The following SUGCT variants were observed in gnomAD, a reference collection of about 807,000 sequenced individuals.
SUGCT encodes the protein succinyl-CoA:glutarate-CoA transferase.
A neutral mutation model predicts 55.0 loss-of-function variants in SUGCT; 41 were observed. That is an observed-to-expected ratio of 0.74 (90% CI 0.58 to 0.97). The LOEUF is 0.97. Ranked by LOEUF, SUGCT falls within the 50% of genes least tolerant of loss-of-function variation. The probability of loss-of-function intolerance (pLI) is 0.00; values close to 1 mark genes in which losing one functional copy is unlikely to be tolerated. For synonymous variants in SUGCT, 187 were observed against 200.4 expected, an observed-to-expected ratio of 0.93 and a Z score of 0.56; for missense variants, 568 against 547.8, an observed-to-expected ratio of 1.04 and a Z score of -0.37.
chr7:40,922,048 G>GA, the SUGCT span, among the ~76,000 whole-genome samples: 1,392 of 152,164 alleles, frequency 9.1e-3, 20 homozygotes, highest in African/African-American at 0.032. Flanking sequence ...TGTTAGAAAG[G>GA]AAAAAAATGT....
chr7:40,238,822 CTTTT>C (rs200564913), intron 7 of SUGCT, among the ~76,000 whole-genome samples: 1 of 138,318 alleles, frequency 7.2e-6, no homozygotes, highest in Non-Finnish European at 1.6e-5. Flanking sequence ...GTGGCCTTTG[CTTTT>C]TTTTTTTTTT....
At chr7:40,803,383 C>T (rs1325185167) in intron 13 of SUGCT, among the ~76,000 whole-genome samples, 1 of 152,136 alleles carries the variant, frequency 6.6e-6, no homozygotes, top group Non-Finnish European at 1.5e-5. Context: ...TACCGATGGG[C>T]AGCTTGATCT....
chr7:40,357,687 CATGAG>C (rs1349235212), intron 9 of SUGCT, among the ~76,000 whole-genome samples: 2 of 152,116 alleles, frequency 1.3e-5, no homozygotes, highest in African/African-American at 2.4e-5. Flanking sequence ...TTTCATGTAT[CATGAG>C]ATATTTTTCT....
intron 9 of SUGCT, among the ~76,000 whole-genome samples, chr7:40,427,916 C>T (rs1024269752): frequency 1.3e-5 from 2 of 152,096 alleles, no homozygotes; most frequent in African/African-American, 4.8e-5. Context: ...TCTCTGTATG[C>T]CTGTGAGGTA....
Position 40,701,116 on chromosome 7 carries a change from T to C in SUGCT, c.1090-48318T>C, listed in dbSNP as rs572586339. 2.2e-4 allele frequency among the ~76,000 whole-genome samples: 33 copies of C among 152,256 alleles called. No individual in the cohort carries two copies. In the South Asian group the frequency reaches 6.6e-3, roughly 31 times the overall value. ...CCCCAGGCCTCTGAGGCTGGCTTCC[T>C]CCCCCTCCAGAGATTTTAAATGTGA... On this transcript the variant is annotated intron_variant, in intron 12 of 13. Coordinates refer to ENST00000335693, the MANE Select transcript of SUGCT (RefSeq NM_001193313.2).
intron 6 of SUGCT, among the ~76,000 whole-genome samples, chr7:40,223,940 T>C (rs1788184527): frequency 6.6e-6 from 1 of 152,210 alleles, no homozygotes; most frequent in Non-Finnish European, 1.5e-5. Flanking sequence ...TACTGAACAT[T>C]TCTGTGTTCT....
chr7:40,207,181 A>G (rs1787023190), intron 6 of SUGCT, among the ~76,000 whole-genome samples: 2 of 152,274 alleles, frequency 1.3e-5, no homozygotes, highest in Admixed American at 6.5e-5. Flanking sequence ...TGGGTGACAG[A>G]GCAAAGATCT....
the SUGCT span, among the ~76,000 whole-genome samples, chr7:40,873,216 C>G: frequency 6.6e-6 from 1 of 152,186 alleles, no homozygotes. Flanking sequence ...GACCAAAAAA[C>G]TTACCAATGA....
chr7:40,152,900 TTTCACCATATTGGCCAGGCTGGTCTCG>T (rs1788654955), intron 1 of SUGCT: 1 of 156,772 alleles, frequency 6.4e-6, no homozygotes, highest in Non-Finnish European at 1.4e-5. Flanking sequence ...AGAGACAGGG[TTTCACCATATTGGCCAGGCTGGTCTCG>T]AACTCCTGAC....
At chr7:40,852,808 A>G (rs951818954) in intron 13 of SUGCT, among the ~76,000 whole-genome samples, 1 of 151,744 alleles carries the variant, frequency 6.6e-6, no homozygotes, top group Non-Finnish European at 1.5e-5. Context: ...ATATTATTCC[A>G]TTTTCAACTT....
At chr7:40,667,143 A>G (rs1048506964) in intron 12 of SUGCT, among the ~76,000 whole-genome samples, 2 of 152,084 alleles carry the variant, frequency 1.3e-5, no homozygotes, top group Admixed American at 6.5e-5. Flanking sequence ...GGACAACAAA[A>G]TGAATGAAAG....
At chr7:40,703,200 G>T (rs1785243361) in intron 12 of SUGCT, among the ~76,000 whole-genome samples, 1 of 152,096 alleles carries the variant, frequency 6.6e-6, no homozygotes, top group African/African-American at 2.4e-5. Context: ...GAGTAGCTGG[G>T]ATCACAGGCG....
chr7:40,217,345 G>A (rs546687667), intron 6 of SUGCT: 143 of 381,562 alleles, frequency 3.7e-4, no homozygotes, highest in Non-Finnish European at 5.1e-4. Context: ...CAAGTGGCTC[G>A]GACTACAGGC....
chr7:40,982,565 G>A, the SUGCT span, among the ~76,000 whole-genome samples: 1 of 152,138 alleles, frequency 6.6e-6, no homozygotes, highest in Non-Finnish European at 1.5e-5. Flanking sequence ...AATACTAACT[G>A]CATTAGAACC....
intron 13 of SUGCT, among the ~76,000 whole-genome samples, chr7:40,854,434 TTCTTTCTTTC>T (rs1794047535): frequency 7.0e-6 from 1 of 143,374 alleles, no homozygotes; most frequent in African/African-American, 2.7e-5. Context: ...CTTTCTTTCT[TTCTTTCTTTC>T]TTTCTTTCTT....
the SUGCT span, among the ~76,000 whole-genome samples, chr7:40,891,189 T>G: frequency 3.5e-4 from 53 of 152,190 alleles, no homozygotes; most frequent in African/African-American, 1.2e-3. Flanking sequence ...AATATAAGCA[T>G]TATGGGAGTT....
the SUGCT span, among the ~76,000 whole-genome samples, chr7:41,018,010 A>T: frequency 6.6e-6 from 1 of 151,684 alleles, no homozygotes; most frequent in Non-Finnish European, 1.5e-5. Flanking sequence ...ACAATGGGCT[A>T]GATGGGCCAG....
At chr7:40,509,358 T>C (rs76172928) in intron 12 of SUGCT, among the ~76,000 whole-genome samples, 3,803 of 152,194 alleles carry the variant, frequency 0.025, 156 homozygotes, top group African/African-American at 0.088. Flanking sequence ...TCTTTGGGGC[T>C]ATGTGGCAGG....
chr7:40,467,898 A>T lies in SUGCT; in HGVS notation c.986+8700A>T, dbSNP rs548963050. Among the ~76,000 whole-genome samples, 214 of 152,140 alleles carry T rather than the reference A, an allele frequency of 1.4e-3. 2 individuals carry two copies. Among genetic ancestry groups the T allele is most frequent in the African/African-American group, 4.8e-3 (199 of 41,532 alleles). The stretch of plus-strand genomic sequence containing the variant: ...CTTTTTGAAAAAATAAAAATAGCTC[A>T]TAGGACTTAGGAATACATTTTACTT... On this transcript the variant is annotated intron_variant, in intron 11 of 13. Transcript: ENST00000335693.
Sources: allele counts gnomAD v4.1 joint callset (sites outside exome capture counted in the v4.1 genomes callset), GRCh38; gene constraint gnomAD v4.1.1; transcripts MANE v1.5; gene names NCBI Gene and HGNC (gene_info 2026-07-23, HGNC 2026-07-21).